EPB41: variants seen among roughly 807,000 people sequenced by gnomAD.
The protein encoded by EPB41 is erythrocyte membrane protein band 4.1, also known as protein 4.1.
EPB41 carries 65 observed loss-of-function variants against 108.0 expected under a neutral mutation model. That is an observed-to-expected ratio of 0.60 (90% CI 0.49 to 0.74). The LOEUF (loss-of-function observed/expected upper bound fraction) is 0.74, where lower values mean the gene tolerates loss of function less well. EPB41 is among the 30% of genes least tolerant of loss of function. The probability of loss-of-function intolerance (pLI) is 0.00; values close to 1 mark genes in which losing one functional copy is unlikely to be tolerated. For synonymous variants in EPB41, 336 were observed against 358.9 expected, an observed-to-expected ratio of 0.94 and a Z score of 0.72; for missense variants, 875 against 1,037.0, an observed-to-expected ratio of 0.84 and a Z score of 2.15.
At chr1:29,087,105 C>A (rs908346174) in intron 16 of EPB41, among the ~76,000 whole-genome samples, 1 of 151,726 alleles carries the variant, frequency 6.6e-6, no homozygotes, top group Non-Finnish European at 1.5e-5. Flanking sequence ...CCATGCCCGG[C>A]TAATTTTTTG....
intron 16 of EPB41, among the ~76,000 whole-genome samples, chr1:29,082,084 G>A (rs1224146741): frequency 1.3e-5 from 2 of 152,092 alleles, no homozygotes; most frequent in East Asian, 3.8e-4. Flanking sequence ...CTGTTGCATT[G>A]GTTCTGTAGA....
intron 1 of EPB41, among the ~76,000 whole-genome samples, chr1:28,922,869 C>T (rs1369807822): frequency 2.0e-5 from 3 of 151,334 alleles, no homozygotes; most frequent in African/African-American, 7.3e-5. Context: ...CCTCATGATC[C>T]GCCTGCCTCG....
intron 15 of EPB41, among the ~76,000 whole-genome samples, chr1:29,061,572 GTTTTTTT>G (rs34413393): frequency 7.8e-5 from 5 of 64,034 alleles, no homozygotes; most frequent in East Asian, 6.0e-4. Context: ...CCTGGCCTTT[GTTTTTTT>G]TTTTTTTTTT....
chr1:29,078,118 C>T (rs565976977), intron 16 of EPB41, among the ~76,000 whole-genome samples: 6 of 152,160 alleles, frequency 3.9e-5, no homozygotes, highest in Non-Finnish European at 7.4e-5. Context: ...CTCAGCTATT[C>T]GGGAGACTGA....
chr1:28,934,284 A>G (rs780385429), intron 1 of EPB41, among the ~76,000 whole-genome samples: 1 of 152,212 alleles, frequency 6.6e-6, no homozygotes, highest in Non-Finnish European at 1.5e-5. Context: ...CATCCTATCA[A>G]TATGACTTAT....
intron 7 of EPB41, among the ~76,000 whole-genome samples, chr1:29,027,091 C>CA (rs535457087): frequency 0.049 from 4,903 of 99,364 alleles, 117 homozygotes; most frequent in Middle Eastern, 0.079. Context: ...GACTCCATCT[C>CA]AAAAAAAAAA....
chr1:29,113,034 C>T (rs1467247959), intron 19 of EPB41, among the ~76,000 whole-genome samples: 1 of 152,134 alleles, frequency 6.6e-6, no homozygotes, highest in South Asian at 2.1e-4. Context: ...TGCTGTGTGA[C>T]CTTGGGCAAA....
intron 1 of EPB41, among the ~76,000 whole-genome samples, chr1:28,986,921 A>G (rs936892781): frequency 6.6e-6 from 1 of 152,172 alleles, no homozygotes; most frequent in Non-Finnish European, 1.5e-5. Flanking sequence ...TACTTTTGCA[A>G]TTTTAATAGA....
At chr1:28,960,413 C>A (rs2095154804) in intron 1 of EPB41, among the ~76,000 whole-genome samples, 1 of 151,758 alleles carries the variant, frequency 6.6e-6, no homozygotes, top group Non-Finnish European at 1.5e-5. Context: ...GGATTTATTA[C>A]CCCTACAATA....
chr1:29,079,244 G>A lies in EPB41; in HGVS notation c.2184+14086G>A, dbSNP rs186831676. ...ACTCCTGATCTCAGGTGATCTGCCCGCCTCAGTCTCCCAAAGTGCTGGGAT... is the reference window on the plus strand; with the variant it reads ...ACTCCTGATCTCAGGTGATCTGCCCACCTCAGTCTCCCAAAGTGCTGGGAT... On this transcript the variant is annotated intron_variant, in intron 16 of 20. Coordinates refer to ENST00000343067, the MANE Select transcript of EPB41 (RefSeq NM_001376013.1). Among the ~76,000 whole-genome samples, 118 of 151,134 alleles carry A rather than the reference G, an allele frequency of 7.8e-4. 1 individual carries two copies. The East Asian group carries it at 0.021, about 26-fold the overall frequency.
intron 4 of EPB41, among the ~76,000 whole-genome samples, chr1:29,007,096 A>G (rs539463907): frequency 2.7e-5 from 4 of 148,212 alleles, no homozygotes; most frequent in South Asian, 4.2e-4. Context: ...TCATTACTGT[A>G]TAATTTTTTT....
chr1:29,073,992 A>G (rs1429664726), intron 16 of EPB41, among the ~76,000 whole-genome samples: 1 of 152,188 alleles, frequency 6.6e-6, no homozygotes, highest in Non-Finnish European at 1.5e-5. Flanking sequence ...TACTTCTTAT[A>G]GATAAGCCTG....
intron 1 of EPB41, among the ~76,000 whole-genome samples, chr1:28,963,767 A>G (rs906554418): frequency 6.6e-6 from 1 of 152,218 alleles, no homozygotes; most frequent in African/African-American, 2.4e-5. Flanking sequence ...TGACCAGCTT[A>G]TATACCCAGG....
At chr1:28,891,004 C>T (rs1454588546) in intron 1 of EPB41, 3 of 985,288 alleles carry the variant, frequency 3.0e-6, no homozygotes, top group Non-Finnish European at 3.6e-6. Context: ...TGGGTGGCCC[C>T]TGGGGCCAGC....
chr1:29,045,226 A>G (rs1462042392), intron 11 of EPB41, among the ~76,000 whole-genome samples: 1 of 152,150 alleles, frequency 6.6e-6, no homozygotes, highest in Non-Finnish European at 1.5e-5. Flanking sequence ...CTGATTCACA[A>G]ACATGCTATA....
chr1:29,027,204 T>A (rs1282396145), intron 7 of EPB41, among the ~76,000 whole-genome samples: 1 of 152,150 alleles, frequency 6.6e-6, no homozygotes, highest in Admixed American at 6.6e-5. Flanking sequence ...TTTACAGGTG[T>A]GATTGTAACT....
At chr1:29,066,739 T>G (rs1648123774) in intron 16 of EPB41, among the ~76,000 whole-genome samples, 1 of 152,074 alleles carries the variant, frequency 6.6e-6, no homozygotes, top group Non-Finnish European at 1.5e-5. Context: ...AATGGCACGA[T>G]CTTGGCTCCC....
At chr1:28,956,948 T>G (rs1339350884) in intron 1 of EPB41, among the ~76,000 whole-genome samples, 2 of 152,254 alleles carry the variant, frequency 1.3e-5, no homozygotes, top group Non-Finnish European at 2.9e-5. Flanking sequence ...GCTTCCTACA[T>G]GAGCTGCAAC....
intron 15 of EPB41, 27 bp downstream of exon 15, chr1:29,060,511 A>T: frequency 6.3e-7 from 1 of 1,598,590 alleles, no homozygotes; most frequent in Non-Finnish European, 8.6e-7. Context: ...AGCTTATTTC[A>T]GTTGGTTGCC....
Sources: allele counts gnomAD v4.1 joint callset (sites outside exome capture counted in the v4.1 genomes callset), GRCh38; gene constraint gnomAD v4.1.1; transcripts MANE v1.5; gene names NCBI Gene and HGNC (gene_info 2026-07-23, HGNC 2026-07-21).